Variants in NCAPH observed in about 807,000 individuals in gnomAD.
The protein encoded by NCAPH is non-SMC condensin I complex subunit H.
A neutral mutation model predicts 85.5 loss-of-function variants in NCAPH; 38 were observed. The observed-to-expected ratio is 0.44, with a 90% CI of 0.34 to 0.58. The LOEUF is 0.58. Among genes scored for constraint, NCAPH ranks in the 20% least tolerant of loss-of-function variants. The pLI, the probability that NCAPH is intolerant of heterozygous loss-of-function variation, is 0.01. For missense variants in NCAPH, 789 were observed against 916.6 expected, an observed-to-expected ratio of 0.86 and a Z score of 1.80; for synonymous variants, 301 against 335.1, an observed-to-expected ratio of 0.90 and a Z score of 1.11.
chr2:96,367,097 AAAACAAACAAAC>A (rs542647359), intron 14 of NCAPH, among the ~76,000 whole-genome samples, 148 bp from the exon 15 acceptor site: 1 of 152,098 alleles, frequency 6.6e-6, no homozygotes, highest in Non-Finnish European at 1.5e-5. Flanking sequence ...ACTCTGTCTC[AAAACAAACAAAC>A]AAACAAACAA....
chr2:96,340,299 G>A (rs1195824844), intron 1 of NCAPH, among the ~76,000 whole-genome samples: 1 of 150,410 alleles, frequency 6.6e-6, no homozygotes, highest in Non-Finnish European at 1.5e-5. Context: ...CCCAGTGTGT[G>A]TATCTCATCT....
rs1264728367 is a variant in NCAPH at position 96,358,855 on chromosome 2, T to C, written c.1209-190T>C. Among the ~76,000 whole-genome samples, 4 of 152,274 alleles carry C rather than the reference T, an allele frequency of 2.6e-5. No individual in the cohort carries two copies. In the East Asian group the frequency reaches 7.7e-4, roughly 29 times the overall value. On this transcript the variant is annotated intron_variant, in intron 9 of 17. Coordinates refer to ENST00000240423, the MANE Select transcript of NCAPH (RefSeq NM_015341.5). ...TGCACTTTGAAACTTCCAGAGTACT[T>C]GTATAGATATGATTATATTGTTATA...
At chr2:96,348,954 T>G (rs1429227234) in intron 6 of NCAPH, among the ~76,000 whole-genome samples, 1 of 152,194 alleles carries the variant, frequency 6.6e-6, no homozygotes, top group Non-Finnish European at 1.5e-5. Flanking sequence ...TGGCCCTTAC[T>G]GTCATTCTTG....
At chr2:96,341,527 A>T in intron 1 of NCAPH, 115 bp from the exon 2 acceptor site, 1 of 1,346,044 alleles carries the variant, frequency 7.4e-7, no homozygotes, top group South Asian at 1.4e-5. Flanking sequence ...TTAGAGTTGG[A>T]GAAGATCTCA....
At chr2:96,353,219 C>A in intron 7 of NCAPH, 87 bp from the exon 8 acceptor site, 1 of 1,068,260 alleles carries the variant, frequency 9.4e-7, no homozygotes, top group Non-Finnish European at 1.4e-6. Flanking sequence ...TCTCATCTCT[C>A]GTCCCACTCA....
intron 5 of NCAPH, 129 bp from the exon 6 acceptor site, chr2:96,343,976 A>G: frequency 1.2e-5 from 15 of 1,202,362 alleles, no homozygotes; most frequent in Non-Finnish European, 1.7e-5. Context: ...CGCTAGGATT[A>G]CAGGCATGAG....
Position 96,360,681 on chromosome 2 carries a change from G to T in NCAPH, c.1558G>T (p.Val520Phe), listed in dbSNP as rs1279460585. ...TDFNYNVDTL[V>F]QLHLKPGTRL... ...TTTCAACTACAATGTTGACACTCTG[G>T]TCCAGCTTCACCTCAAACCAGGCAC... The change falls in exon 12 of 18, where the codon GTC becomes TTC. Residue 520 changes from valine (V) to phenylalanine (F), a missense_variant. Val to Phe is a conservative substitution (Grantham distance 50, BLOSUM62 -1). Transcript: ENST00000240423. The T allele has an allele frequency of 1.9e-6, 3 of 1,614,136 alleles. No individual in the cohort carries two copies. The highest frequency in any genetic ancestry group is 2.5e-6 in the Non-Finnish European group (3 of 1,180,032).
At chr2:96,349,195 G>A (rs1035948565) in intron 6 of NCAPH, among the ~76,000 whole-genome samples, 2 of 152,164 alleles carry the variant, frequency 1.3e-5, no homozygotes, top group African/African-American at 4.8e-5. Flanking sequence ...ACAGGCTGTG[G>A]TATGTTTATG....
intron 3 of NCAPH, 25 bp from the exon 4 acceptor site, chr2:96,342,731 C>A: frequency 2.6e-6 from 4 of 1,567,266 alleles, no homozygotes; most frequent in South Asian, 1.1e-5. Flanking sequence ...AAATAACAAT[C>A]CTTTCTGCAA....
chr2:96,358,876 T>C (rs900594995), intron 9 of NCAPH, among the ~76,000 whole-genome samples, 169 bp from the exon 10 acceptor site: 11 of 152,182 alleles, frequency 7.2e-5, no homozygotes, highest in African/African-American at 2.4e-4. Context: ...GATTATATTG[T>C]TATAAAATTA....
In NCAPH at chr2:96,344,166, A is replaced by G; in HGVS notation, c.657A>G (p.Leu219=). The G allele has an allele frequency of 6.2e-7, 1 of 1,613,826 alleles. No individual in the cohort carries two copies. The highest frequency in any genetic ancestry group is 1.1e-5 in the South Asian group (1 of 90,980). ...KKAVKPKKKH[L]HRTIEQNINN... ...CTGTAAAGCCAAAGAAGAAGCACTT[A>G]CACAGAACTATTGAGCAGAACATAA... The change falls in exon 6 of 18, where the codon TTA becomes TTG. Residue 219 remains leucine, a synonymous_variant. Coordinates refer to ENST00000240423, the MANE Select transcript of NCAPH (RefSeq NM_015341.5).
Position 96,374,931 on chromosome 2 carries a change from A to G in NCAPH, c.*1580A>G, listed in dbSNP as rs2064816485. On this transcript the variant is annotated 3_prime_UTR_variant, in exon 18 of 18. Transcript: ENST00000240423. ...AGTAAAACTAGAAAGATTGGGACCA[A>G]GTGCAGTGGCCCACACCTGTAAATC... Among the ~76,000 whole-genome samples, 1 of 152,198 alleles carries G rather than the reference A, an allele frequency of 6.6e-6. No individual in the cohort carries two copies. Among genetic ancestry groups the G allele is most frequent in the African/African-American group, 2.4e-5 (1 of 41,458 alleles).
chr2:96,358,610 A>C (rs1573084798), intron 9 of NCAPH, among the ~76,000 whole-genome samples: 1 of 152,108 alleles, frequency 6.6e-6, no homozygotes, highest in Non-Finnish European at 1.5e-5. Flanking sequence ...CTGGGACTAC[A>C]GGCGCCCGCC....
In NCAPH at chr2:96,341,546, T is replaced by A. The variant is rs1332975223; in HGVS notation, c.20-96T>A. On this transcript the variant is annotated intron_variant, in intron 1 of 17. Coordinates refer to ENST00000240423, the MANE Select transcript of NCAPH (RefSeq NM_015341.5). Reference sequence around the variant, plus strand: ...AGTTGGAGAAGATCTCAGTGGACAGTGTGTGGTGAACCTCCACCCCTGTGA... The same window carrying A: ...AGTTGGAGAAGATCTCAGTGGACAGAGTGTGGTGAACCTCCACCCCTGTGA... 3 of 1,432,034 alleles carry A rather than the reference T, an allele frequency of 2.1e-6. No individual in the cohort carries two copies. In the African/African-American group the frequency reaches 4.3e-5, roughly 20 times the overall value. 88.7% of individuals were successfully genotyped at this position (1,432,034 alleles called of 1,614,324 possible).
chr2:96,352,851 T>C (rs1033133007), intron 7 of NCAPH, among the ~76,000 whole-genome samples: 2 of 152,250 alleles, frequency 1.3e-5, no homozygotes, highest in East Asian at 1.9e-4. Flanking sequence ...TTTCCAAGTT[T>C]GTGCTCTCAT....
At chr2:96,351,191 A>G (rs909292686) in intron 6 of NCAPH, among the ~76,000 whole-genome samples, 5 of 152,230 alleles carry the variant, frequency 3.3e-5, no homozygotes, top group South Asian at 2.1e-4. Context: ...TTTTAAGCCA[A>G]TGGCATTTGT....
intron 6 of NCAPH, among the ~76,000 whole-genome samples, chr2:96,346,805 G>A (rs995945737): frequency 1.3e-5 from 2 of 152,022 alleles, no homozygotes; most frequent in African/African-American, 4.8e-5. Flanking sequence ...TGGCGGAGGC[G>A]GGGTAGGGGT....
rs867035254 is a variant in NCAPH, at chr2:96,350,331, G to A, written c.721-1500G>A. 5.0e-4 allele frequency among the ~76,000 whole-genome samples: 76 copies of A among 152,198 alleles called. No individual in the cohort carries two copies. In the Middle Eastern group the frequency reaches 0.017, roughly 34 times the overall value. On this transcript the variant is annotated intron_variant, in intron 6 of 17. Coordinates refer to ENST00000240423, the MANE Select transcript of NCAPH (RefSeq NM_015341.5). ...TCATAGTGCTTTCAGCTTTAATGTGGGTCAGTGTACAATTTCCATGTTGGC... is the reference window on the plus strand; with the variant it reads ...TCATAGTGCTTTCAGCTTTAATGTGAGTCAGTGTACAATTTCCATGTTGGC...
intron 12 of NCAPH, among the ~76,000 whole-genome samples, chr2:96,362,273 A>G (rs561649954): frequency 9.2e-5 from 14 of 152,104 alleles, no homozygotes; most frequent in African/African-American, 3.4e-4. Flanking sequence ...TCAAAATATC[A>G]ACATTAACAG....
Sources: allele counts gnomAD v4.1 joint callset (sites outside exome capture counted in the v4.1 genomes callset), GRCh38; gene constraint gnomAD v4.1.1; transcripts MANE v1.5; gene names NCBI Gene and HGNC (gene_info 2026-07-23, HGNC 2026-07-21).